RRM2: variants seen among roughly 807,000 people sequenced by gnomAD.
RRM2 encodes the protein ribonucleotide reductase regulatory subunit M2, also known as ribonucleoside-diphosphate reductase subunit M2.
In RRM2, 6 loss-of-function variants were observed where a neutral mutation model predicts 45.9. The observed-to-expected ratio is 0.13, with a 90% CI of 0.07 to 0.26. The LOEUF is 0.26. Among genes scored for constraint, RRM2 ranks in the 10% least tolerant of loss-of-function variants. The probability of loss-of-function intolerance (pLI) is 1.00; values close to 1 mark genes in which losing one functional copy is unlikely to be tolerated. For synonymous variants in RRM2, 177 were observed against 173.0 expected (o/e 1.02, Z -0.18); for missense variants, 343 against 489.5 (o/e 0.70, Z 2.82).
rs1338479363 is a variant in RRM2, at chr2:10,210,780, A to C, written n.952A>C. 17 of 403,124 alleles carry C rather than the reference A, an allele frequency of 4.2e-5. No individual in the cohort carries two copies. The East Asian group carries it at 1.3e-3, about 30-fold the overall frequency. 25.0% of individuals were successfully genotyped at this position (403,124 alleles called of 1,614,324 possible). A position where few individuals can be genotyped will look rare whatever the true frequency, so the allele number is the denominator to read the frequency against. ...TTCATATGTTGAACCCCTAACTCCC[A>C]ATGTGATGGTGTCAGGAGGTGGAGC... On this transcript the variant is annotated non_coding_transcript_exon_variant, in exon 4 of 4. Coordinates refer to the RRM2 transcript ENST00000381786.
chr2:10,123,153 C>G, intron 2 of RRM2, 96 bp downstream of exon 2: 4 of 1,394,692 alleles, frequency 2.9e-6, no homozygotes, highest in Non-Finnish European at 3.8e-6. Flanking sequence ...ACTCCCGCCC[C>G]GGCTCCTTTC....
At chr2:10,135,291 C>G (rs529142187), downstream of RRM2, among the ~76,000 whole-genome samples, 3 of 152,218 alleles carry the variant, frequency 2.0e-5, no homozygotes, top group East Asian at 5.8e-4. Flanking sequence ...TCACTTGAGT[C>G]CAGCCTGAGC....
chr2:10,157,377 A>G (rs570399954), intron 3 of RRM2, among the ~76,000 whole-genome samples: 1 of 152,316 alleles, frequency 6.6e-6, no homozygotes, highest in East Asian at 1.9e-4. Flanking sequence ...AGAAAAATGC[A>G]CACATCATAA....
chr2:10,140,164 G>C (rs942183391), upstream of RRM2, among the ~76,000 whole-genome samples: 3 of 152,050 alleles, frequency 2.0e-5, no homozygotes, highest in African/African-American at 7.2e-5. Context: ...GGAAAGTGGC[G>C]TGAATCCGGG....
intron 3 of RRM2, among the ~76,000 whole-genome samples, chr2:10,202,390 T>G (rs1664583234): frequency 6.6e-6 from 1 of 152,158 alleles, no homozygotes; most frequent in Non-Finnish European, 1.5e-5. Flanking sequence ...ATGTAAGACT[T>G]GAAGAAGGAA....
chr2:10,183,396 A>G (rs1036437149), intron 3 of RRM2, among the ~76,000 whole-genome samples: 2 of 152,228 alleles, frequency 1.3e-5, no homozygotes, highest in Admixed American at 6.5e-5. Context: ...TGTCTGGGCA[A>G]CATCCAATAA....
chr2:10,139,637 A>G (rs911509546), upstream of RRM2, among the ~76,000 whole-genome samples: 7 of 152,170 alleles, frequency 4.6e-5, no homozygotes, highest in African/African-American at 1.7e-4. Context: ...CCATCAGGAA[A>G]TGAGGTGCTG....
chr2:10,122,846 G>A lies in RRM2; in HGVS notation c.48G>A (p.Gln16=), dbSNP rs150889173. 3,558 of 1,602,314 alleles carry A rather than the reference G, an allele frequency of 2.2e-3. 4 individuals carry two copies. Among genetic ancestry groups the A allele is most frequent in the Non-Finnish European group, 2.6e-3 (3,023 of 1,176,090 alleles). The part of the protein sequence containing the change: ...VPLAPITDPQ[Q]LQLSPLKGLS... ...TCGCGCCCATCACGGACCCGCAGCA[G>A]CTGCAGCTCTCGCCGCTGAAGGGGC... Residue 16 remains glutamine (Q), a synonymous_variant, in exon 1 of 10, where the codon CAG becomes CAA. Coordinates refer to ENST00000304567, the MANE Select transcript of RRM2 (RefSeq NM_001034.4).
At chr2:10,146,717 C>G (rs892699480) in intron 3 of RRM2, among the ~76,000 whole-genome samples, 1 of 152,136 alleles carries the variant, frequency 6.6e-6, no homozygotes, top group African/African-American at 2.4e-5. Context: ...TGGTAAGCCC[C>G]GGGAAGGGTA....
chr2:10,170,191 A>C (rs761980386), intron 3 of RRM2, among the ~76,000 whole-genome samples: 6 of 152,044 alleles, frequency 3.9e-5, no homozygotes, highest in Non-Finnish European at 8.8e-5. Flanking sequence ...ACCTTCCAGG[A>C]TGACCCATTC....
intron 5 of RRM2, 24 bp from the exon 6 acceptor site, chr2:10,126,851 G>A: frequency 6.3e-7 from 1 of 1,585,454 alleles, no homozygotes; most frequent in South Asian, 1.1e-5. Context: ...TGCTTCAATT[G>A]CTGATACCGT....
intron 2 of RRM2, chr2:10,142,140 C>T (rs1487974684): frequency 6.4e-5 from 98 of 1,537,598 alleles, no homozygotes; most frequent in East Asian, 1.2e-4. Context: ...GTGGCAGGCG[C>T]GTCTGTGAGT....
upstream of RRM2, among the ~76,000 whole-genome samples, chr2:10,140,853 TTGA>T (rs902849905): frequency 3.3e-5 from 5 of 152,158 alleles, no homozygotes; most frequent in South Asian, 6.2e-4. Flanking sequence ...ATAATAAGTG[TTGA>T]TGAGCACTCG....
At chr2:10,192,828 C>A (rs910758951) in intron 3 of RRM2, among the ~76,000 whole-genome samples, 6 of 152,226 alleles carry the variant, frequency 3.9e-5, no homozygotes, top group African/African-American at 9.6e-5. Flanking sequence ...GGTTCTAGGA[C>A]CCTCCTCTCC....
upstream of RRM2, among the ~76,000 whole-genome samples, chr2:10,136,732 C>T (rs1419244916): frequency 6.6e-6 from 1 of 152,194 alleles, no homozygotes; most frequent in African/African-American, 2.4e-5. Context: ...ATGCTTGCAC[C>T]ACTGCACTCT....
intron 3 of RRM2, among the ~76,000 whole-genome samples, chr2:10,166,068 G>A (rs1017645651): frequency 6.6e-6 from 1 of 152,230 alleles, no homozygotes; most frequent in Non-Finnish European, 1.5e-5. Flanking sequence ...AGGGGCTCTG[G>A]ACGGTCCTTC....
intron 3 of RRM2, among the ~76,000 whole-genome samples, chr2:10,179,661 C>T (rs902355826): frequency 1.6e-4 from 25 of 152,254 alleles, no homozygotes; most frequent in East Asian, 3.9e-4. Flanking sequence ...AAATTGGCAG[C>T]GTGGCTGAGT....
At chr2:10,181,859 G>A (rs1572521850) in intron 3 of RRM2, among the ~76,000 whole-genome samples, 1 of 147,556 alleles carries the variant, frequency 6.8e-6, no homozygotes, top group East Asian at 2.0e-4. Flanking sequence ...TGACCTCCAG[G>A]GCTCAAGGGA....
Position 10,205,388 on chromosome 2 carries a change from T to G in RRM2, n.483-4923T>G, listed in dbSNP as rs1243563909. On this transcript the variant is annotated intron_variant and non_coding_transcript_variant, in intron 3 of 3. Coordinates refer to the RRM2 transcript ENST00000381786. This position sits in a 1 kb window ranked among gnomAD's most constrained non-coding sequence, Gnocchi z 4.8. ...GGCAGAACCGAGTTTTCTCTTCACT[T>G]TCAGACTCAAGTCCAGCTTATTGGG... Among the ~76,000 whole-genome samples, 3 of 152,308 alleles carry G rather than the reference T, an allele frequency of 2.0e-5. No homozygotes were observed. Among genetic ancestry groups the G allele is most frequent in the South Asian group, 2.1e-4 (1 of 4,824 alleles).
Sources: gnomAD v4.1 joint callset for allele counts (sites outside exome capture counted in the v4.1 genomes callset) on GRCh38, gnomAD v4.1.1 for gene constraint, Gnocchi (gnomAD v3.1) non-coding constraint, MANE v1.5 for transcripts, NCBI Gene and HGNC (gene_info 2026-07-23, HGNC 2026-07-21) for gene names.